The following CSMD1 variants were observed in gnomAD, a reference collection of about 807,000 sequenced individuals.
The protein encoded by CSMD1 is CUB and Sushi multiple domains 1.
Under a neutral mutation model 417.5 loss-of-function variants are expected in CSMD1, and 213 were observed. That is an observed-to-expected ratio of 0.51 (90% CI 0.46 to 0.57). CSMD1 has a LOEUF of 0.57. CSMD1 is among the 20% of genes least tolerant of loss of function. The pLI is 0.00. For synonymous variants in CSMD1, 2,862 were observed against 1,736.8 expected, an observed-to-expected ratio of 1.65 and a Z score of -16.11; for missense variants, 6,923 against 4,529.7, an observed-to-expected ratio of 1.53 and a Z score of -15.17.
At chr8:3,237,890 T>A (rs34080472) in intron 26 of CSMD1, among the ~76,000 whole-genome samples, 8,139 of 19,872 alleles carry the variant, frequency 0.41, 3,161 homozygotes, top group Non-Finnish European at 0.72. Context: ...ATAAATATAA[T>A]TTTTATAATT....
chr8:3,532,224 G>A (rs1420942215), intron 10 of CSMD1, among the ~76,000 whole-genome samples: 2 of 152,084 alleles, frequency 1.3e-5, no homozygotes, highest in African/African-American at 2.4e-5. Flanking sequence ...ATTTCCTTGG[G>A]TGTGAGACCA....
intron 4 of CSMD1, among the ~76,000 whole-genome samples, chr8:4,005,641 G>A (rs1437032771): frequency 6.6e-6 from 1 of 152,222 alleles, no homozygotes; most frequent in Admixed American, 6.5e-5. Context: ...AACATAGGGT[G>A]TCTCCCATGG....
At chr8:3,151,755 C>G (rs1389199952) in intron 39 of CSMD1, among the ~76,000 whole-genome samples, 1 of 152,206 alleles carries the variant, frequency 6.6e-6, no homozygotes, top group Non-Finnish European at 1.5e-5. Context: ...TCCTCTCACA[C>G]TCAAAGGCTC....
intron 4 of CSMD1, among the ~76,000 whole-genome samples, chr8:4,024,282 C>T (rs1376205332): frequency 6.6e-6 from 1 of 152,042 alleles, no homozygotes; most frequent in African/African-American, 2.4e-5. Context: ...ACGGATAAAG[C>T]ATGAAGAATA....
At chr8:3,890,528 C>G (rs754180627) in intron 5 of CSMD1, among the ~76,000 whole-genome samples, 3 of 151,760 alleles carry the variant, frequency 2.0e-5, no homozygotes, top group Non-Finnish European at 4.4e-5. Context: ...CGGTGGGGAA[C>G]AAAATAACTC....
At chr8:4,136,077 A>G (rs979064594) in intron 3 of CSMD1, among the ~76,000 whole-genome samples, 1 of 152,208 alleles carries the variant, frequency 6.6e-6, no homozygotes, top group Non-Finnish European at 1.5e-5. Context: ...AAAAAAAATG[A>G]ACTGACTCAG....
intron 2 of CSMD1, among the ~76,000 whole-genome samples, chr8:4,464,821 T>G (rs1337025806): frequency 1.3e-5 from 2 of 152,112 alleles, no homozygotes; most frequent in Non-Finnish European, 2.9e-5. Context: ...TTTGAAGTTT[T>G]GGGAGGAAAG....
At chr8:3,934,697 T>G (rs1045764034) in intron 5 of CSMD1, among the ~76,000 whole-genome samples, 15 of 151,712 alleles carry the variant, frequency 9.9e-5, no homozygotes, top group African/African-American at 3.6e-4. Flanking sequence ...CTACTAAACA[T>G]GCAAAAATTT....
chr8:4,302,540 C>G (rs541049247), intron 3 of CSMD1, among the ~76,000 whole-genome samples: 1 of 152,192 alleles, frequency 6.6e-6, no homozygotes, highest in South Asian at 2.1e-4. Flanking sequence ...ATTAAGAGAC[C>G]GTCTTGAAAG....
chr8:3,412,592 C>T (rs1177571583), intron 12 of CSMD1, among the ~76,000 whole-genome samples: 1 of 152,166 alleles, frequency 6.6e-6, no homozygotes, highest in Admixed American at 6.5e-5. Flanking sequence ...CAGAAGAGCA[C>T]ACACACAAAA....
chr8:4,282,060 C>G (rs554667452), intron 3 of CSMD1, among the ~76,000 whole-genome samples: 1 of 152,294 alleles, frequency 6.6e-6, no homozygotes, highest in South Asian at 2.1e-4. Context: ...TGGGTTGTAG[C>G]ACATTGTAGC....
intron 4 of CSMD1, among the ~76,000 whole-genome samples, chr8:4,003,129 G>T (rs191077129): frequency 6.6e-6 from 1 of 152,118 alleles, no homozygotes; most frequent in African/African-American, 2.4e-5. Context: ...CGCGGTGGCT[G>T]ATGCCTGTAG....
chr8:3,308,391 G>A lies in CSMD1; in HGVS notation c.3744C>T (p.Tyr1248=), dbSNP rs565627705. ...TCAGGGTGTTGCTGCCATGCATGGC[G>A]TACCCCGGGTTGCAACTGTACAGAA... ...TVVLYSCNPG[Y]AMHGSNTLTC... The change falls in exon 24 of 70, where the codon TAC becomes TAT. Residue 1248 remains tyrosine, a synonymous_variant. Transcript: ENST00000635120. The A allele has an allele frequency of 9.4e-5, 151 of 1,613,718 alleles. 1 individual carries two copies. Among genetic ancestry groups the A allele is most frequent in the South Asian group, 7.9e-4 (72 of 91,064 alleles).
At chr8:3,186,241 T>C (rs963657845) in intron 36 of CSMD1, among the ~76,000 whole-genome samples, 5 of 152,326 alleles carry the variant, frequency 3.3e-5, no homozygotes, top group African/African-American at 9.6e-5. Context: ...GTGTCTGATA[T>C]CTAGCAGGTA....
chr8:3,241,483 G>A (rs1799516511), intron 26 of CSMD1, among the ~76,000 whole-genome samples: 1 of 152,196 alleles, frequency 6.6e-6, no homozygotes, highest in African/African-American at 2.4e-5. Context: ...TCAGTCTTCA[G>A]CCACTAAGCC....
chr8:4,048,204 T>C (rs546328281), intron 3 of CSMD1, among the ~76,000 whole-genome samples: 28 of 152,308 alleles, frequency 1.8e-4, no homozygotes, highest in African/African-American at 6.3e-4. Context: ...TGTTTTCATA[T>C]TGAATAACAT....
At chr8:4,124,891 G>C (rs966272202) in intron 3 of CSMD1, among the ~76,000 whole-genome samples, 1 of 152,120 alleles carries the variant, frequency 6.6e-6, no homozygotes, top group Non-Finnish European at 1.5e-5. Context: ...AAGCGGAGGG[G>C]TTATAAGGAG....
chr8:4,848,299 T>G (rs1461985154), intron 1 of CSMD1, among the ~76,000 whole-genome samples: 53 of 152,226 alleles, frequency 3.5e-4, no homozygotes. Context: ...CCAGTTTTTG[T>G]GTGAATACAG....
chr8:4,908,188 C>T (rs1300376198), intron 1 of CSMD1, among the ~76,000 whole-genome samples: 2 of 152,068 alleles, frequency 1.3e-5, no homozygotes, highest in Non-Finnish European at 2.9e-5. Context: ...TTGCTCCATT[C>T]TCTTCTTGTT....
Sources: gnomAD v4.1 joint callset for allele counts (sites outside exome capture counted in the v4.1 genomes callset) on GRCh38, gnomAD v4.1.1 for gene constraint, MANE v1.5 for transcripts, NCBI Gene and HGNC (gene_info 2026-07-23, HGNC 2026-07-21) for gene names.